The following LRRC69 variants were observed in gnomAD, a reference collection of about 807,000 sequenced individuals.
The protein encoded by LRRC69 is leucine-rich repeat-containing protein 69.
In LRRC69, 42 loss-of-function variants were observed where a neutral mutation model predicts 37.8. That is an observed-to-expected ratio of 1.11 (90% confidence interval 0.87 to 1.44). LRRC69 has a LOEUF of 1.44. LRRC69 is among the 40% of genes most tolerant of loss of function. The pLI is 0.00. For synonymous variants in LRRC69, 141 were observed against 143.1 expected (o/e 0.99, Z 0.11); for missense variants, 357 against 401.9 (o/e 0.89, Z 0.96).
At chr8:91,149,101 G>A (rs949488628) in intron 5 of LRRC69, among the ~76,000 whole-genome samples, 9 of 151,860 alleles carry the variant, frequency 5.9e-5, no homozygotes, top group Admixed American at 3.9e-4. Flanking sequence ...GATCCCATTT[G>A]TCAATTTTGG....
chr8:91,197,613 C>T (rs921792595), intron 6 of LRRC69, among the ~76,000 whole-genome samples: 14 of 151,954 alleles, frequency 9.2e-5, no homozygotes, highest in African/African-American at 3.4e-4. Context: ...TTTCCAGATG[C>T]CGTCCGACAC....
intron 6 of LRRC69, 144 bp from the exon 7 acceptor site, chr8:91,200,469 C>T (rs1809692902): frequency 1.9e-6 from 1 of 523,362 alleles, no homozygotes; most frequent in South Asian, 5.0e-5. Context: ...ATTTACAACA[C>T]AATTCATTAG....
chr8:91,114,558 A>T (rs939260827), intron 1 of LRRC69, among the ~76,000 whole-genome samples: 6 of 152,028 alleles, frequency 3.9e-5, no homozygotes, highest in African/African-American at 1.4e-4. Context: ...ATTATACGGT[A>T]TTCTTACTGT....
At chr8:91,193,404 T>A (rs1326999557) in intron 6 of LRRC69, among the ~76,000 whole-genome samples, 2 of 142,382 alleles carry the variant, frequency 1.4e-5, no homozygotes, top group African/African-American at 2.6e-5. Context: ...GGTAGCTTGA[T>A]GGGGATGGCA....
chr8:91,167,075 G>A (rs1809042802), intron 5 of LRRC69, among the ~76,000 whole-genome samples: 1 of 151,854 alleles, frequency 6.6e-6, no homozygotes, highest in Non-Finnish European at 1.5e-5. Context: ...GAAAGCAAGA[G>A]GAGGGCACCA....
At chr8:91,128,454 TATAGTTAACTCTG>T (rs1813756643) in intron 3 of LRRC69, among the ~76,000 whole-genome samples, 1 of 152,022 alleles carries the variant, frequency 6.6e-6, no homozygotes, top group African/African-American at 2.4e-5. Context: ...TATTCTGTCT[TATAGTTAACTCTG>T]GATTGTCTAT....
exon 1 of LRRC69, chr8:91,102,680 A>G (rs1377107260): frequency 6.4e-7 from 1 of 1,550,618 alleles, no homozygotes; most frequent in Non-Finnish European, 8.7e-7. Flanking sequence ...GAGATTGTTA[A>G]TAAAAGCATT....
At chr8:91,201,578 G>C (rs1198183181) in intron 7 of LRRC69, among the ~76,000 whole-genome samples, 1 of 151,868 alleles carries the variant, frequency 6.6e-6, no homozygotes, top group Non-Finnish European at 1.5e-5. Context: ...ATGAAAACAG[G>C]AGGTGGGTCA....
At position 91,203,023 on chromosome 8, in the gene LRRC69, T is replaced by A. The variant is rs184627840; in HGVS notation, c.933+2231T>A. On this transcript the variant is annotated intron_variant, in intron 7 of 7. Coordinates refer to ENST00000448384, the Ensembl canonical transcript of LRRC69. Reference sequence around the variant, plus strand: ...AACTGTGTAAAGCAGATTTTTTTTTTATTACTAAAATAGGGAAGACTAAGG... The same window carrying A: ...AACTGTGTAAAGCAGATTTTTTTTTAATTACTAAAATAGGGAAGACTAAGG... Among the ~76,000 whole-genome samples, 710 of 152,272 alleles carry A rather than the reference T, an allele frequency of 4.7e-3. 5 individuals carry two copies. The highest frequency in any genetic ancestry group is 0.016 in the African/African-American group (652 of 41,550).
chr8:91,140,028 C>T (rs1460533127), intron 5 of LRRC69, among the ~76,000 whole-genome samples: 1 of 142,812 alleles, frequency 7.0e-6, no homozygotes, highest in African/African-American at 2.6e-5. Context: ...GCAGAGGTTG[C>T]GGTGAGCCAA....
chr8:91,126,219 T>C (rs1017304880), intron 2 of LRRC69, among the ~76,000 whole-genome samples: 4 of 151,940 alleles, frequency 2.6e-5, no homozygotes, highest in South Asian at 2.1e-4. Flanking sequence ...AGGGCTGGAG[T>C]TGGGTCCCAA....
chr8:91,110,512 A>G (rs10111106), intron 1 of LRRC69, among the ~76,000 whole-genome samples: 95,132 of 151,214 alleles, frequency 0.63, 30,688 homozygotes, highest in African/African-American at 0.74. Context: ...GGTGATGCAT[A>G]ACTGTAATCC....
chr8:91,213,927 A>G (rs1482206805), intron 7 of LRRC69, among the ~76,000 whole-genome samples: 2 of 152,130 alleles, frequency 1.3e-5, no homozygotes, highest in Admixed American at 6.5e-5. Context: ...GAACCTGTCA[A>G]AGGATTAGAT....
intron 6 of LRRC69, among the ~76,000 whole-genome samples, chr8:91,191,876 G>T (rs1332434475): frequency 6.6e-6 from 1 of 152,010 alleles, no homozygotes; most frequent in East Asian, 1.9e-4. Flanking sequence ...TAAAGTTTTA[G>T]GGTACATGTG....
intron 5 of LRRC69, among the ~76,000 whole-genome samples, chr8:91,168,892 C>T (rs1809075890): frequency 1.3e-5 from 2 of 151,852 alleles, no homozygotes; most frequent in Non-Finnish European, 2.9e-5. Flanking sequence ...AGAATCATTA[C>T]ATACTTTTGA....
intron 5 of LRRC69, 142 bp downstream of exon 5, chr8:91,135,881 T>C (rs1813903779): frequency 4.2e-6 from 2 of 472,792 alleles, no homozygotes; most frequent in Non-Finnish European, 7.3e-6. Flanking sequence ...GCTTTTAGAA[T>C]TTCAAAACCT....
chr8:91,189,294 A>C (rs1586274563), intron 5 of LRRC69, among the ~76,000 whole-genome samples: 1 of 152,326 alleles, frequency 6.6e-6, no homozygotes, highest in Non-Finnish European at 1.5e-5. Context: ...GTGACCCCTA[A>C]GGTCATGGCC....
intron 1 of LRRC69, 48 bp from the exon 2 acceptor site, chr8:91,124,445 T>A: frequency 7.1e-7 from 1 of 1,403,420 alleles, no homozygotes; most frequent in East Asian, 2.7e-5. Context: ...TTTTTTTCAT[T>A]TGAAGTTGGA....
intron 7 of LRRC69, among the ~76,000 whole-genome samples, chr8:91,201,324 C>T (rs796932355): frequency 1.4e-4 from 22 of 152,232 alleles, no homozygotes; most frequent in African/African-American, 4.1e-4. Flanking sequence ...TTTCTCTAAG[C>T]GGCCAGATAG....
Sources: gnomAD v4.1 joint callset for allele counts (sites outside exome capture counted in the v4.1 genomes callset) on GRCh38, gnomAD v4.1.1 for gene constraint, MANE v1.5 for transcripts, NCBI Gene and HGNC (gene_info 2026-07-23, HGNC 2026-07-21) for gene names.